The following FHIT variants were observed in gnomAD, a reference collection of about 807,000 sequenced individuals.
FHIT encodes the protein bis(5'-adenosyl)-triphosphatase.
In FHIT, 19 loss-of-function variants were observed where a neutral mutation model predicts 17.9. The ratio of observed to expected loss-of-function variants is 1.06; its 90% CI spans 0.74 to 1.56. The LOEUF is 1.56. FHIT is among the 40% of genes most tolerant of loss of function. The pLI, the probability that FHIT is intolerant of heterozygous loss-of-function variation, is 0.00. For missense variants in FHIT, 248 were observed against 189.2 expected (o/e 1.31, Z -1.82); for synonymous variants, 81 against 69.7 (o/e 1.16, Z -0.81).
chr3:60,600,455 A>G (rs1387036271), intron 4 of FHIT, among the ~76,000 whole-genome samples: 1 of 152,212 alleles, frequency 6.6e-6, no homozygotes, highest in East Asian at 1.9e-4. Context: ...GCAAGAAACT[A>G]ATTTTTAAAA....
chr3:61,248,354 G>C (rs2106955276), intron 1 of FHIT, among the ~76,000 whole-genome samples: 1 of 152,154 alleles, frequency 6.6e-6, no homozygotes, highest in South Asian at 2.1e-4. Flanking sequence ...CAAATAGACT[G>C]TTTCAGGAAT....
In FHIT at chr3:59,776,064, G is replaced by A. The variant is rs148367695; in HGVS notation, c.349-23743C>T. 2.8e-3 allele frequency among the ~76,000 whole-genome samples: 422 copies of A among 152,320 alleles called. 2 individuals carry two copies. The highest frequency in any genetic ancestry group is 4.9e-3 in the Non-Finnish European group (334 of 68,020). On this transcript the variant is annotated intron_variant, in intron 8 of 9. Coordinates refer to ENST00000492590, the MANE Select transcript of FHIT (RefSeq NM_002012.4). ...CCTCGAAAATGAATTCGAATTGCCTGCCCAGCTCCTTACATGTGTCCACAG... is the reference window on the plus strand; with the variant it reads ...CCTCGAAAATGAATTCGAATTGCCTACCCAGCTCCTTACATGTGTCCACAG...
chr3:60,849,611 C>T (rs950773468), intron 3 of FHIT, among the ~76,000 whole-genome samples: 12 of 151,766 alleles, frequency 7.9e-5, no homozygotes, highest in Non-Finnish European at 1.3e-4. Flanking sequence ...TGATTGATTC[C>T]GATCTGATCT....
chr3:59,882,644 C>A (rs1054448350), intron 8 of FHIT, among the ~76,000 whole-genome samples: 9 of 152,134 alleles, frequency 5.9e-5, no homozygotes, highest in Non-Finnish European at 1.0e-4. Flanking sequence ...TTAAGAGTTT[C>A]AAATAACTTC....
chr3:60,179,685 G>C (rs977939035), intron 5 of FHIT, among the ~76,000 whole-genome samples: 2 of 149,362 alleles, frequency 1.3e-5, no homozygotes, highest in East Asian at 3.9e-4. Flanking sequence ...TTGTAAGTGT[G>C]TAAAAAAAAA....
At chr3:59,791,180 T>C (rs1489304139) in intron 8 of FHIT, among the ~76,000 whole-genome samples, 2 of 152,196 alleles carry the variant, frequency 1.3e-5, no homozygotes, top group Non-Finnish European at 1.5e-5. Context: ...CTAACTGGCC[T>C]TGGGATGGGT....
At chr3:61,137,519 C>A (rs1476189070) in intron 2 of FHIT, among the ~76,000 whole-genome samples, 1 of 152,130 alleles carries the variant, frequency 6.6e-6, no homozygotes, top group Non-Finnish European at 1.5e-5. Context: ...CACTGGTGTA[C>A]TTGCCTTTCT....
chr3:61,011,895 G>T (rs1239803138), intron 3 of FHIT, among the ~76,000 whole-genome samples: 1 of 152,210 alleles, frequency 6.6e-6, no homozygotes, highest in Non-Finnish European at 1.5e-5. Flanking sequence ...GAACTCAGAA[G>T]TGAAATGACA....
At chr3:60,117,335 G>A (rs1275777929) in intron 5 of FHIT, among the ~76,000 whole-genome samples, 1 of 152,084 alleles carries the variant, frequency 6.6e-6, no homozygotes, top group Non-Finnish European at 1.5e-5. Flanking sequence ...AAATATGGAA[G>A]TTCAAATTGC....
intron 5 of FHIT, among the ~76,000 whole-genome samples, chr3:60,123,212 G>A (rs1052014682): frequency 2.6e-5 from 4 of 152,130 alleles, no homozygotes; most frequent in African/African-American, 9.7e-5. Context: ...ATAAATCTTT[G>A]CAGTATTAGC....
At chr3:61,024,464 A>T (rs1206688354) in intron 3 of FHIT, among the ~76,000 whole-genome samples, 1 of 152,078 alleles carries the variant, frequency 6.6e-6, no homozygotes, top group Non-Finnish European at 1.5e-5. Flanking sequence ...TTTCCTGCAA[A>T]GGCTGAGTTT....
intron 3 of FHIT, among the ~76,000 whole-genome samples, chr3:60,866,392 C>G (rs188056541): frequency 6.6e-5 from 10 of 152,234 alleles, no homozygotes; most frequent in Admixed American, 5.2e-4. Flanking sequence ...GAGTGGCTGT[C>G]TCTGGAGGAA....
chr3:59,846,162 G>A (rs1284774455), intron 8 of FHIT, among the ~76,000 whole-genome samples: 1 of 151,758 alleles, frequency 6.6e-6, no homozygotes, highest in East Asian at 1.9e-4. Context: ...GGTTTATTTT[G>A]TCCCTCATTT....
chr3:60,427,652 C>G (rs1702722775), intron 5 of FHIT, among the ~76,000 whole-genome samples: 2 of 152,088 alleles, frequency 1.3e-5, no homozygotes, highest in Admixed American at 1.3e-4. Context: ...TTTCTTCTTT[C>G]TCAACACTCT....
At chr3:60,509,941 A>G (rs770902715) in intron 5 of FHIT, among the ~76,000 whole-genome samples, 6 of 152,194 alleles carry the variant, frequency 3.9e-5, no homozygotes, top group Non-Finnish European at 7.3e-5. Context: ...TGCCAACATT[A>G]TCATTCACAG....
At chr3:59,793,123 A>T (rs1287805314) in intron 8 of FHIT, among the ~76,000 whole-genome samples, 1 of 152,158 alleles carries the variant, frequency 6.6e-6, no homozygotes, top group Non-Finnish European at 1.5e-5. Context: ...TATTCACTGA[A>T]TGCATAAATG....
intron 3 of FHIT, among the ~76,000 whole-genome samples, chr3:60,900,405 C>T (rs1357743913): frequency 6.6e-6 from 1 of 150,734 alleles, no homozygotes; most frequent in Non-Finnish European, 1.5e-5. Flanking sequence ...CACTGTACTC[C>T]AGTCTGAGCT....
intron 4 of FHIT, among the ~76,000 whole-genome samples, chr3:60,626,859 A>T (rs1465983927): frequency 6.7e-6 from 1 of 148,298 alleles, no homozygotes; most frequent in South Asian, 2.1e-4. Context: ...TCAGGTTGAG[A>T]AAGTTTCATA....
intron 4 of FHIT, among the ~76,000 whole-genome samples, chr3:60,724,561 A>G (rs1290718096): frequency 6.6e-6 from 1 of 152,062 alleles, no homozygotes; most frequent in Non-Finnish European, 1.5e-5. Context: ...TGTTTTCCAA[A>G]GTAGCTGCAC....
Sources: gnomAD v4.1 joint callset for allele counts (sites outside exome capture counted in the v4.1 genomes callset) on GRCh38, gnomAD v4.1.1 for gene constraint, MANE v1.5 for transcripts, NCBI Gene and HGNC (gene_info 2026-07-23, HGNC 2026-07-21) for gene names.